Variants in SLC24A2 observed in about 807,000 individuals in gnomAD.
SLC24A2 encodes the protein sodium/potassium/calcium exchanger 2.
A neutral mutation model predicts 62.0 loss-of-function variants in SLC24A2; 36 were observed. The observed-to-expected ratio is 0.58, with a 90% CI of 0.44 to 0.77. SLC24A2 has a LOEUF of 0.77. Ranked by LOEUF, SLC24A2 falls within the 30% of genes least tolerant of loss-of-function variation. The probability of loss-of-function intolerance (pLI) is 0.00; values close to 1 mark genes in which losing one functional copy is unlikely to be tolerated. For missense variants in SLC24A2, 846 were observed against 817.9 expected, an observed-to-expected ratio of 1.03 and a Z score of -0.42; for synonymous variants, 358 against 294.0, an observed-to-expected ratio of 1.22 and a Z score of -2.23.
the SLC24A2 span, among the ~76,000 whole-genome samples, chr9:20,070,545 C>T: frequency 6.6e-6 from 1 of 152,228 alleles, no homozygotes; most frequent in African/African-American, 2.4e-5. Context: ...AGGCGGTGTG[C>T]TTTGGCACAG....
chr9:20,287,131 C>G, the SLC24A2 span, among the ~76,000 whole-genome samples: 1 of 152,144 alleles, frequency 6.6e-6, no homozygotes, highest in Non-Finnish European at 1.5e-5. Context: ...TTAAGACAAC[C>G]AAACCTGTAT....
At chr9:20,022,625 T>C in the SLC24A2 span, among the ~76,000 whole-genome samples, 1 of 152,224 alleles carries the variant, frequency 6.6e-6, no homozygotes, top group African/African-American at 2.4e-5. Context: ...GACTAAGTTA[T>C]ATGACTAAAG....
the SLC24A2 span, among the ~76,000 whole-genome samples, chr9:19,989,679 C>T: frequency 6.6e-6 from 1 of 152,124 alleles, no homozygotes; most frequent in Admixed American, 6.6e-5. Flanking sequence ...AAGAACTTTC[C>T]CTCTCTCCCT....
chr9:20,242,577 G>A, the SLC24A2 span, among the ~76,000 whole-genome samples: 1 of 152,184 alleles, frequency 6.6e-6, no homozygotes, highest in Non-Finnish European at 1.5e-5. Context: ...GAAGGGCAGG[G>A]AGCCATGAGG....
At chr9:19,706,628 T>G (rs1190979359) in intron 2 of SLC24A2, among the ~76,000 whole-genome samples, 1 of 152,126 alleles carries the variant, frequency 6.6e-6, no homozygotes, top group African/African-American at 2.4e-5. Flanking sequence ...TCCGCTCGTC[T>G]CGGCCTCCCA....
chr9:20,224,008 A>C, the SLC24A2 span, among the ~76,000 whole-genome samples: 1 of 152,048 alleles, frequency 6.6e-6, no homozygotes, highest in Non-Finnish European at 1.5e-5. Context: ...ATGAACTGAC[A>C]AACACTTTAA....
chr9:19,753,962 G>C (rs1241507842), intron 2 of SLC24A2, among the ~76,000 whole-genome samples: 1 of 152,032 alleles, frequency 6.6e-6, no homozygotes, highest in Non-Finnish European at 1.5e-5. Context: ...AGAGAACCAA[G>C]CAGTATTTTT....
chr9:19,528,451 T>C (rs1341892355), intron 8 of SLC24A2, among the ~76,000 whole-genome samples: 2 of 152,164 alleles, frequency 1.3e-5, no homozygotes, highest in African/African-American at 2.4e-5. Flanking sequence ...TAAGGCCTGG[T>C]TTTTTGGCCT....
chr9:20,081,300 A>C, the SLC24A2 span, among the ~76,000 whole-genome samples: 9 of 152,188 alleles, frequency 5.9e-5, no homozygotes, highest in Admixed American at 1.3e-4. Flanking sequence ...ATGCAGCCAT[A>C]AAAAATGATG....
the SLC24A2 span, among the ~76,000 whole-genome samples, chr9:20,137,514 A>G: frequency 4.6e-5 from 7 of 152,220 alleles, no homozygotes; most frequent in Non-Finnish European, 1.0e-4. Context: ...TAGTCTTGGA[A>G]ATACTTGTGT....
the SLC24A2 span, among the ~76,000 whole-genome samples, chr9:20,104,738 C>T: frequency 4.6e-5 from 7 of 152,054 alleles, no homozygotes; most frequent in East Asian, 5.8e-4. Context: ...CCAGCCACTG[C>T]AAAATCATGC....
intron 2 of SLC24A2, among the ~76,000 whole-genome samples, chr9:19,779,837 AT>A (rs1822957819): frequency 6.6e-6 from 1 of 152,118 alleles, no homozygotes; most frequent in African/African-American, 2.4e-5. Flanking sequence ...AGGTGGGAGG[AT>A]CATGAGGTCA....
the SLC24A2 span, among the ~76,000 whole-genome samples, chr9:19,865,373 A>T: frequency 1.4e-4 from 21 of 152,206 alleles, no homozygotes; most frequent in African/African-American, 5.1e-4. Flanking sequence ...ACCACAAAAG[A>T]CACAAAAGAC....
At chr9:20,275,832 C>A in the SLC24A2 span, among the ~76,000 whole-genome samples, 1 of 152,180 alleles carries the variant, frequency 6.6e-6, no homozygotes, top group South Asian at 2.1e-4. Flanking sequence ...AAAGGCACAT[C>A]TTACATGGTG....
the SLC24A2 span, among the ~76,000 whole-genome samples, chr9:20,109,049 C>A: frequency 2.0e-5 from 3 of 152,090 alleles, no homozygotes; most frequent in African/African-American, 7.2e-5. Flanking sequence ...GTTACAACTG[C>A]CTTCAATATT....
chr9:20,002,785 C>A, the SLC24A2 span, among the ~76,000 whole-genome samples: 3 of 152,186 alleles, frequency 2.0e-5, no homozygotes, highest in African/African-American at 7.2e-5. Flanking sequence ...CCCTCCTTGC[C>A]CACTGCCCAT....
the SLC24A2 span, among the ~76,000 whole-genome samples, chr9:19,946,982 G>T: frequency 6.6e-6 from 1 of 152,110 alleles, no homozygotes; most frequent in Non-Finnish European, 1.5e-5. Flanking sequence ...TGGTTTCTAG[G>T]TTGTCATAAA....
chr9:19,904,865 C>T, the SLC24A2 span, among the ~76,000 whole-genome samples: 1 of 151,754 alleles, frequency 6.6e-6, no homozygotes, highest in Non-Finnish European at 1.5e-5. Context: ...CAAGTCTGGA[C>T]ATATCTACAC....
At chr9:20,239,018 T>C in the SLC24A2 span, among the ~76,000 whole-genome samples, 1 of 152,162 alleles carries the variant, frequency 6.6e-6, no homozygotes, top group Non-Finnish European at 1.5e-5. Context: ...CACCAGAAAC[T>C]AAATTGGCTA....
Sources: gnomAD v4.1 joint callset for allele counts (sites outside exome capture counted in the v4.1 genomes callset) on GRCh38, gnomAD v4.1.1 for gene constraint, MANE v1.5 for transcripts, NCBI Gene and HGNC (gene_info 2026-07-23, HGNC 2026-07-21) for gene names.